Variants in TRPM3 observed in about 807,000 individuals in gnomAD.
The protein encoded by TRPM3 is transient receptor potential cation channel subfamily M member 3.
TRPM3 carries 77 observed loss-of-function variants against 181.2 expected under a neutral mutation model. The ratio of observed to expected loss-of-function variants is 0.42; its 90% CI spans 0.35 to 0.51. The LOEUF (loss-of-function observed/expected upper bound fraction) is 0.51, where lower values mean the gene tolerates loss of function less well. Ranked by LOEUF, TRPM3 falls within the 20% of genes least tolerant of loss-of-function variation. TRPM3 has a pLI of 0.01. For synonymous variants in TRPM3, 745 were observed against 796.4 expected, an observed-to-expected ratio of 0.94 and a Z score of 1.09; for missense variants, 1,759 against 2,196.7, an observed-to-expected ratio of 0.80 and a Z score of 3.98.
chr9:71,015,895 G>A (rs145865978), intron 1 of TRPM3, among the ~76,000 whole-genome samples: 38 of 151,966 alleles, frequency 2.5e-4, no homozygotes, highest in Admixed American at 7.2e-4. Context: ...TAATTCACAA[G>A]AGAGGTAAAA....
chr9:71,250,099 CAT>C (rs1281498660), intron 1 of TRPM3, among the ~76,000 whole-genome samples: 1 of 152,126 alleles, frequency 6.6e-6, no homozygotes. Context: ...ATGACAGACT[CAT>C]AAGGAATCAT....
In TRPM3 at chr9:70,536,195, T is replaced by C; in HGVS notation, c.4918A>G (p.Thr1640Ala). 5 of 1,614,116 alleles carry C rather than the reference T, an allele frequency of 3.1e-6. No homozygotes were observed. The highest frequency in any genetic ancestry group is 4.2e-6 in the Non-Finnish European group (5 of 1,180,008). ...NSERTLSNNI[T>A]VPKIERANSY... ...TTGGCGCGCTCTATCTTGGGAACAG[T>C]GATGTTGTTGGACAGGGTTCTCTCT... The change falls in exon 26 of 26, where the codon ACT becomes GCT. Residue 1640 changes from threonine (T) to alanine (A), a missense_variant. Thr to Ala is a moderately conservative substitution (Grantham distance 58). Around this residue, in one of 8 missense-constraint regions of TRPM3, gnomAD observed 612 missense variants for 590.0 expected, o/e 1.04. Coordinates refer to ENST00000677713, the MANE Select transcript of TRPM3 (RefSeq NM_001366145.2).
intron 1 of TRPM3, among the ~76,000 whole-genome samples, chr9:70,981,460 G>C (rs56875385): frequency 6.6e-6 from 1 of 152,190 alleles, no homozygotes; most frequent in Non-Finnish European, 1.5e-5. Flanking sequence ...CAAGGTCTGA[G>C]TGTGAAAGGA....
chr9:71,436,132 A>T (rs2094030847), intron 1 of TRPM3, among the ~76,000 whole-genome samples: 1 of 152,036 alleles, frequency 6.6e-6, no homozygotes, highest in Admixed American at 6.5e-5. Context: ...TGATGGGTTT[A>T]TCAGGGGTTT....
chr9:71,402,845 A>G (rs530527729), intron 1 of TRPM3, among the ~76,000 whole-genome samples: 1 of 151,030 alleles, frequency 6.6e-6, no homozygotes, highest in Admixed American at 6.6e-5. Context: ...TGTAGGTCAG[A>G]TTTTTTTTTA....
chr9:70,959,177 T>G (rs1450939658), intron 1 of TRPM3, among the ~76,000 whole-genome samples: 2 of 150,950 alleles, frequency 1.3e-5, no homozygotes, highest in Admixed American at 1.3e-4. Context: ...AGAAAAAAAA[T>G]ATGTCACCTG....
chr9:71,392,639 T>C (rs1247615499), intron 1 of TRPM3, among the ~76,000 whole-genome samples: 1 of 152,100 alleles, frequency 6.6e-6, no homozygotes, highest in Non-Finnish European at 1.5e-5. Flanking sequence ...GAAGGAATTA[T>C]CACTCTCTTC....
chr9:70,867,688 T>A (rs1317127699), intron 1 of TRPM3, among the ~76,000 whole-genome samples: 1 of 152,066 alleles, frequency 6.6e-6, no homozygotes, highest in Non-Finnish European at 1.5e-5. Context: ...TAAGACACAA[T>A]AGAAAGAATG....
chr9:71,080,223 A>C (rs1351117990), intron 1 of TRPM3, among the ~76,000 whole-genome samples: 1 of 142,578 alleles, frequency 7.0e-6, no homozygotes, highest in African/African-American at 2.7e-5. Context: ...AAAAAGGGAG[A>C]CTTTGTTCTC....
At chr9:71,186,151 G>T (rs918315810) in intron 1 of TRPM3, among the ~76,000 whole-genome samples, 4 of 151,916 alleles carry the variant, frequency 2.6e-5, no homozygotes, top group Admixed American at 6.6e-5. Flanking sequence ...TTTTTATAAG[G>T]ATGCCAATCA....
At chr9:70,641,820 T>C (rs552659034) in intron 9 of TRPM3, among the ~76,000 whole-genome samples, 14 of 152,194 alleles carry the variant, frequency 9.2e-5, no homozygotes, top group African/African-American at 2.2e-4. Flanking sequence ...AAGCTGGAAA[T>C]GGAGGCAGTG....
At chr9:71,133,164 G>T (rs1023756145) in intron 1 of TRPM3, among the ~76,000 whole-genome samples, 1 of 151,898 alleles carries the variant, frequency 6.6e-6, no homozygotes, top group African/African-American at 2.4e-5. Context: ...ACAAAACTGG[G>T]CATATCATTA....
At chr9:71,087,931 C>G (rs1157835419) in intron 1 of TRPM3, among the ~76,000 whole-genome samples, 1 of 151,908 alleles carries the variant, frequency 6.6e-6, no homozygotes, top group African/African-American at 2.4e-5. Context: ...ACATGATGTC[C>G]CTTGAATTCA....
At chr9:71,212,533 G>A (rs1456236390) in intron 1 of TRPM3, among the ~76,000 whole-genome samples, 11 of 152,112 alleles carry the variant, frequency 7.2e-5, no homozygotes, top group Non-Finnish European at 1.0e-4. Context: ...CCTTTCATAC[G>A]TAAATGTGCA....
chr9:70,870,461 C>G (rs2095764418), intron 1 of TRPM3, among the ~76,000 whole-genome samples: 2 of 152,050 alleles, frequency 1.3e-5, no homozygotes, highest in African/African-American at 4.8e-5. Flanking sequence ...GAGTTGGCTA[C>G]AGAATAACAC....
intron 1 of TRPM3, among the ~76,000 whole-genome samples, chr9:70,961,870 G>T (rs1394314587): frequency 6.6e-6 from 1 of 152,086 alleles, no homozygotes; most frequent in Non-Finnish European, 1.5e-5. Flanking sequence ...AAATGCTCAA[G>T]TAGACTCTCT....
chr9:71,032,923 C>T (rs183709081), intron 1 of TRPM3, among the ~76,000 whole-genome samples: 17 of 152,298 alleles, frequency 1.1e-4, no homozygotes, highest in African/African-American at 4.1e-4. Flanking sequence ...AGCTACCTAC[C>T]TATTCATCAT....
chr9:70,745,630 G>A (rs1297920015), intron 8 of TRPM3, among the ~76,000 whole-genome samples: 2 of 152,094 alleles, frequency 1.3e-5, no homozygotes, highest in African/African-American at 4.8e-5. Context: ...ATGACTCTAT[G>A]ACTTTGAGCC....
chr9:71,409,281 G>T (rs993019523), intron 1 of TRPM3, among the ~76,000 whole-genome samples: 2 of 152,078 alleles, frequency 1.3e-5, no homozygotes, highest in Non-Finnish European at 2.9e-5. Flanking sequence ...ATGTAAATGG[G>T]CTAAATGCCT....
Sources: gnomAD v4.1 joint callset for allele counts (sites outside exome capture counted in the v4.1 genomes callset) on GRCh38, gnomAD v4.1.1 for gene constraint, gnomAD v4.1.1 regional missense constraint, MANE v1.5 for transcripts, NCBI Gene and HGNC (gene_info 2026-07-23, HGNC 2026-07-21) for gene names.